The following SNX29 variants were observed in gnomAD, a reference collection of about 807,000 sequenced individuals.
SNX29 encodes sorting nexin 29.
Under a neutral mutation model 102.1 loss-of-function variants are expected in SNX29, and 78 were observed. That is an observed-to-expected ratio of 0.76 (90% CI 0.64 to 0.92). SNX29 has a LOEUF of 0.92. SNX29 is among the 40% of genes least tolerant of loss of function. The pLI, the probability that SNX29 is intolerant of heterozygous loss-of-function variation, is 0.00. For missense variants in SNX29, 1,280 were observed against 1,061.7 expected, an observed-to-expected ratio of 1.21 and a Z score of -2.86; for synonymous variants, 580 against 414.5, an observed-to-expected ratio of 1.40 and a Z score of -4.85.
At chr16:12,322,301 A>G (rs1460030464) in intron 15 of SNX29, among the ~76,000 whole-genome samples, 2 of 152,122 alleles carry the variant, frequency 1.3e-5, no homozygotes, top group African/African-American at 2.4e-5. Flanking sequence ...CCAGAACTGC[A>G]TAGGGTCTCT....
chr16:12,524,402 C>A (rs57286447), intron 19 of SNX29, among the ~76,000 whole-genome samples: 2,711 of 151,944 alleles, frequency 0.018, 57 homozygotes, highest in East Asian at 0.072. Flanking sequence ...TACCCTGACC[C>A]CCAGCACCAC....
At chr16:12,268,157 C>T (rs1411165146) in intron 14 of SNX29, among the ~76,000 whole-genome samples, 1 of 152,228 alleles carries the variant, frequency 6.6e-6, no homozygotes, top group Non-Finnish European at 1.5e-5. Context: ...CCATCATTTT[C>T]TCACACTTTA....
chr16:12,409,460 G>A (rs1373783801), intron 18 of SNX29, among the ~76,000 whole-genome samples: 4 of 117,028 alleles, frequency 3.4e-5, no homozygotes, highest in Admixed American at 1.3e-4. Flanking sequence ...ACGGAGTCTC[G>A]CTCTGTTACC....
At chr16:12,192,942 T>G (rs1169444053) in intron 13 of SNX29, among the ~76,000 whole-genome samples, 1 of 152,152 alleles carries the variant, frequency 6.6e-6, no homozygotes, top group Non-Finnish European at 1.5e-5. Context: ...CCTCAGGTGA[T>G]CCACCTGCCT....
chr16:12,316,358 C>T (rs1291234823), intron 15 of SNX29, among the ~76,000 whole-genome samples: 2 of 152,162 alleles, frequency 1.3e-5, no homozygotes, highest in Non-Finnish European at 1.5e-5. Flanking sequence ...TCCTGGCCAA[C>T]ATGGGGAAAC....
chr16:12,253,457 C>A (rs2078479541), intron 14 of SNX29, among the ~76,000 whole-genome samples: 1 of 152,096 alleles, frequency 6.6e-6, no homozygotes, highest in Non-Finnish European at 1.5e-5. Context: ...GAACAAAAGT[C>A]AAAATAGAGA....
chr16:12,293,260 C>T (rs1422627377), intron 15 of SNX29, among the ~76,000 whole-genome samples: 2 of 152,198 alleles, frequency 1.3e-5, no homozygotes, highest in Non-Finnish European at 2.9e-5. Context: ...TGCATCGTGT[C>T]ATTTAATCTT....
chr16:12,082,291 G>C (rs2051939827), intron 11 of SNX29, among the ~76,000 whole-genome samples: 1 of 152,054 alleles, frequency 6.6e-6, no homozygotes, highest in Admixed American at 6.6e-5. Context: ...GCATCCCTGT[G>C]TGCCCTGGCA....
chr16:12,381,017 C>A (rs1283437623), intron 16 of SNX29, among the ~76,000 whole-genome samples: 1 of 86,240 alleles, frequency 1.2e-5, no homozygotes. Flanking sequence ...TCCACCCACC[C>A]ACCATCCACC....
Position 12,098,822 on chromosome 16 carries a change from AC to A in SNX29, c.1402+19913del, listed in dbSNP as rs1235452927. ...CTGAGTCTAACAGTCAGAGGTAGAG[AC>A]CCCCCTCAGGGCAGTTCCTGAGCAC... On this transcript the variant is annotated intron_variant, in intron 11 of 20. Transcript: ENST00000566228. This position sits in a 1 kb window ranked among gnomAD's most constrained non-coding sequence, Gnocchi z 6.0. Among the ~76,000 whole-genome samples the A allele has an allele frequency of 2.0e-5, 3 of 151,906 alleles. No individual in the cohort carries two copies. The highest frequency in any genetic ancestry group is 2.9e-5 in the Non-Finnish European group (2 of 67,990).
chr16:12,553,354 TCTC>T (rs1284295995), intron 20 of SNX29, among the ~76,000 whole-genome samples: 1 of 152,192 alleles, frequency 6.6e-6, no homozygotes, highest in African/African-American at 2.4e-5. Flanking sequence ...CAGCTCGTCT[TCTC>T]AGAGCTTGCC....
At chr16:11,978,416 C>T (rs922147700) in intron 1 of SNX29, among the ~76,000 whole-genome samples, 1 of 152,152 alleles carries the variant, frequency 6.6e-6, no homozygotes, top group Non-Finnish European at 1.5e-5. Flanking sequence ...TCTGGGAGTC[C>T]CAGCAAAATG....
intron 17 of SNX29, among the ~76,000 whole-genome samples, chr16:12,399,909 A>G (rs1329759163): frequency 6.6e-6 from 1 of 152,120 alleles, no homozygotes; most frequent in Non-Finnish European, 1.5e-5. Flanking sequence ...GAAACTGGGA[A>G]GACAAGAGAG....
intron 16 of SNX29, among the ~76,000 whole-genome samples, chr16:12,360,382 C>G (rs2082268005): frequency 6.6e-6 from 1 of 152,172 alleles, no homozygotes; most frequent in South Asian, 2.1e-4. Flanking sequence ...TAGGTTTTCC[C>G]AGTTAGGATT....
chr16:12,461,978 A>AAAATATATATATATATATAT (rs1555544501), intron 18 of SNX29, among the ~76,000 whole-genome samples: 1 of 27,354 alleles, frequency 3.7e-5, no homozygotes, highest in Non-Finnish European at 6.3e-5. Flanking sequence ...AAAAAAAAAA[A>AAAATATATATATATATATAT]ATATATATAT....
intron 15 of SNX29, among the ~76,000 whole-genome samples, chr16:12,346,963 C>T (rs1041938871): frequency 7.9e-5 from 12 of 152,156 alleles, no homozygotes; most frequent in African/African-American, 1.9e-4. Context: ...CGTGGCCAAG[C>T]GATGACGGTC....
At chr16:12,304,566 G>A (rs2080281251) in intron 15 of SNX29, among the ~76,000 whole-genome samples, 1 of 152,228 alleles carries the variant, frequency 6.6e-6, no homozygotes, top group Admixed American at 6.5e-5. Flanking sequence ...GCATGTAAAT[G>A]TCTTTGAATA....
intron 14 of SNX29, among the ~76,000 whole-genome samples, chr16:12,269,057 C>G (rs1184070594): frequency 6.6e-6 from 1 of 152,204 alleles, no homozygotes; most frequent in Admixed American, 6.5e-5. Context: ...AAAATTAGTT[C>G]TTGTTGAACA....
At chr16:12,538,757 T>C (rs1163012583) in intron 20 of SNX29, among the ~76,000 whole-genome samples, 1 of 152,058 alleles carries the variant, frequency 6.6e-6, no homozygotes, top group African/African-American at 2.4e-5. Flanking sequence ...ATGGGTATCA[T>C]CCAAGCTGTG....
Sources: gnomAD v4.1 joint callset for allele counts (sites outside exome capture counted in the v4.1 genomes callset) on GRCh38, gnomAD v4.1.1 for gene constraint, Gnocchi (gnomAD v3.1) non-coding constraint, MANE v1.5 for transcripts, NCBI Gene and HGNC (gene_info 2026-07-23, HGNC 2026-07-21) for gene names.